FAAH2: variants seen among roughly 807,000 people sequenced by gnomAD.
FAAH2 encodes fatty acid amide hydrolase 2.
A neutral mutation model predicts 36.9 loss-of-function variants in FAAH2; 60 were observed. The ratio of observed to expected loss-of-function variants is 1.63; its 90% CI spans 1.32 to 2.02. FAAH2 has a LOEUF of 2.02. Ranked by LOEUF, FAAH2 falls within the 30% of genes most tolerant of loss-of-function variation. FAAH2 has a pLI of 0.00. For missense variants in FAAH2, 689 were observed against 397.5 expected (o/e 1.73, Z -6.23); for synonymous variants, 214 against 143.8 (o/e 1.49, Z -3.49).
At chrX:57,348,738 G>A (rs1365885332) in intron 5 of FAAH2, among the ~76,000 whole-genome samples, 2 of 111,189 alleles carry the variant, frequency 1.8e-5, no homozygotes, top group African/African-American at 6.5e-5. Flanking sequence ...TTGAGCCAAA[G>A]CCAAAGGGCT....
chrX:57,338,813 C>T (rs1209292050), intron 4 of FAAH2, among the ~76,000 whole-genome samples: 5 of 111,186 alleles, frequency 4.5e-5, no homozygotes, highest in Non-Finnish European at 7.5e-5. Context: ...GAATCATTAT[C>T]GTGAAAATAG....
the FAAH2 span, among the ~76,000 whole-genome samples, chrX:57,228,001 G>A: frequency 8.9e-6 from 1 of 111,945 alleles, no homozygotes; most frequent in African/African-American, 3.3e-5. Flanking sequence ...CATGCCCTCA[G>A]CAACAGCCCT....
intron 3 of FAAH2, among the ~76,000 whole-genome samples, chrX:57,313,427 A>G (rs370175086): frequency 2.7e-5 from 3 of 109,668 alleles, no homozygotes; most frequent in East Asian, 5.7e-4. Context: ...ATCCCCAAGG[A>G]ACATAGTAAT....
chrX:57,441,418 G>T (rs373484318), intron 8 of FAAH2, among the ~76,000 whole-genome samples: 4 of 111,221 alleles, frequency 3.6e-5, no homozygotes, highest in African/African-American at 1.3e-4. Context: ...TCTGATGGTA[G>T]TTTGTATTTC....
intron 10 of FAAH2, among the ~76,000 whole-genome samples, chrX:57,450,058 A>G (rs2056756140): frequency 9.0e-6 from 1 of 111,526 alleles, no homozygotes; most frequent in Admixed American, 9.6e-5. Flanking sequence ...GACAGGTAAA[A>G]TACTTTAGTC....
At chrX:57,299,927 C>T (rs1385068425) in intron 2 of FAAH2, among the ~76,000 whole-genome samples, 2 of 111,143 alleles carry the variant, frequency 1.8e-5, no homozygotes, top group Non-Finnish European at 3.8e-5. Flanking sequence ...TCAAGGAGAA[C>T]TACAAACCAC....
chrX:57,402,589 A>G (rs1379151537), intron 7 of FAAH2, among the ~76,000 whole-genome samples: 1 of 112,034 alleles, frequency 8.9e-6, no homozygotes. Context: ...TTATCCTTTA[A>G]GATTAGTTAG....
chrX:57,488,999 G>T lies in FAAH2; in HGVS notation c.*67G>T, dbSNP rs2057525224. 13 of 1,037,538 alleles carry T rather than the reference G, an allele frequency of 1.3e-5. No homozygotes were observed. The South Asian group carries it at 3.6e-4, about 29-fold the overall frequency. 85.5% of individuals were successfully genotyped at this position (1,037,538 alleles called of 1,213,427 possible). A position where few individuals can be genotyped will look rare whatever the true frequency, so the allele number is the denominator to read the frequency against. On this transcript the variant is annotated 3_prime_UTR_variant, in exon 11 of 11. Transcript: ENST00000374900. ...CGTGTGGTGGTGTTTCTATTAATTG[G>T]GTGAAATCAAGCACCAGCAGACAAG... is the stretch of plus-strand genomic sequence containing the variant.
the FAAH2 span, among the ~76,000 whole-genome samples, chrX:57,163,652 G>T: frequency 6.2e-5 from 7 of 112,123 alleles, no homozygotes; most frequent in African/African-American, 2.3e-4. Context: ...CCCTTTCTTT[G>T]ACTTGGAAAG....
At chrX:57,217,673 G>T in the FAAH2 span, among the ~76,000 whole-genome samples, 1 of 112,063 alleles carries the variant, frequency 8.9e-6, no homozygotes, top group Non-Finnish European at 1.9e-5. Flanking sequence ...ATGCTGTTTT[G>T]GTGACTATGG....
chrX:57,452,180 G>A (rs1021133489), intron 10 of FAAH2: 19 of 752,744 alleles, frequency 2.5e-5, no homozygotes, highest in South Asian at 1.4e-4. Context: ...GAGATGAACA[G>A]CATTGGCCAT....
the FAAH2 span, among the ~76,000 whole-genome samples, chrX:57,172,672 G>A: frequency 8.9e-6 from 1 of 111,879 alleles, no homozygotes; most frequent in Admixed American, 9.4e-5. Flanking sequence ...GCTCTCAGCA[G>A]ATGGGGAAGT....
At chrX:57,163,756 C>T in the FAAH2 span, among the ~76,000 whole-genome samples, 1 of 112,311 alleles carries the variant, frequency 8.9e-6, no homozygotes, top group Non-Finnish European at 1.9e-5. Flanking sequence ...CCTGCGCCCA[C>T]TGTCTGGCAC....
At chrX:57,372,143 A>G (rs754024590) in intron 5 of FAAH2, among the ~76,000 whole-genome samples, 1 of 111,594 alleles carries the variant, frequency 9.0e-6, no homozygotes, top group Non-Finnish European at 1.9e-5. Flanking sequence ...AATGATTTAT[A>G]TTCCATTGGG....
the FAAH2 span, among the ~76,000 whole-genome samples, chrX:57,166,467 A>G: frequency 8.9e-6 from 1 of 111,947 alleles, no homozygotes; most frequent in Non-Finnish European, 1.9e-5. Flanking sequence ...GCCCATAGGC[A>G]TGCTCCCCCT....
At chrX:57,457,834 T>A (rs890445902) in intron 10 of FAAH2, among the ~76,000 whole-genome samples, 12 of 111,365 alleles carry the variant, frequency 1.1e-4, no homozygotes, top group African/African-American at 3.9e-4. Flanking sequence ...CATGCTCATA[T>A]ATTGGAAGAA....
chrX:57,485,213 G>C (rs1462234352), intron 10 of FAAH2, among the ~76,000 whole-genome samples: 2 of 112,060 alleles, frequency 1.8e-5, no homozygotes, highest in African/African-American at 3.2e-5. Context: ...TGGGAGGCAT[G>C]CACAGGTAGG....
intron 5 of FAAH2, among the ~76,000 whole-genome samples, chrX:57,346,163 A>G (rs890506717): frequency 9.0e-6 from 1 of 110,895 alleles, no homozygotes; most frequent in African/African-American, 3.3e-5. Context: ...TTAAGGTTAT[A>G]TCCTTCATTT....
At chrX:57,436,468 AT>A (rs2056413558) in intron 8 of FAAH2, among the ~76,000 whole-genome samples, 1 of 110,909 alleles carries the variant, frequency 9.0e-6, no homozygotes, top group Non-Finnish European at 1.9e-5. Context: ...GGTAAACAAA[AT>A]AATCCACTAT....
Sources: allele counts gnomAD v4.1 joint callset (sites outside exome capture counted in the v4.1 genomes callset), GRCh38; gene constraint gnomAD v4.1.1; transcripts MANE v1.5; gene names NCBI Gene and HGNC (gene_info 2026-07-23, HGNC 2026-07-21).